The following NFIB variants were observed in gnomAD, a reference collection of about 807,000 sequenced individuals.
The protein encoded by NFIB is nuclear factor 1 B-type.
NFIB carries 11 observed loss-of-function variants against 61.5 expected under a neutral mutation model. That is an observed-to-expected ratio of 0.18 (90% CI 0.11 to 0.30). The LOEUF (loss-of-function observed/expected upper bound fraction) is 0.30, where lower values mean the gene tolerates loss of function less well. Among genes scored for constraint, NFIB ranks in the 10% least tolerant of loss-of-function variants. NFIB has a pLI of 1.00. For missense variants in NFIB, 471 were observed against 608.9 expected (o/e 0.77, Z 2.38); for synonymous variants, 260 against 216.5 (o/e 1.20, Z -1.76).
chr9:14,374,255 C>T (rs1461143813), intron 1 of NFIB, among the ~76,000 whole-genome samples: 1 of 151,926 alleles, frequency 6.6e-6, no homozygotes, highest in Non-Finnish European at 1.5e-5. Context: ...AGGCTTTTGC[C>T]TCCCCTCCTT....
the NFIB span, among the ~76,000 whole-genome samples, chr9:14,469,843 A>C: frequency 6.6e-6 from 1 of 152,360 alleles, no homozygotes; most frequent in Admixed American, 6.5e-5. Context: ...AGAACATTAG[A>C]ACCAAATCAT....
the NFIB span, among the ~76,000 whole-genome samples, chr9:14,483,366 A>C: frequency 1.5e-4 from 23 of 152,226 alleles, no homozygotes; most frequent in African/African-American, 5.5e-4. Context: ...GTGGAAAAGC[A>C]TATCTTTGCA....
At chr9:14,380,939 AG>A (rs1470653324) in intron 1 of NFIB, among the ~76,000 whole-genome samples, 2 of 151,870 alleles carry the variant, frequency 1.3e-5, no homozygotes, top group African/African-American at 4.8e-5. Flanking sequence ...TACTGAGTGG[AG>A]GCCCCTGTTC....
intron 10 of NFIB, chr9:14,094,252 G>A (rs868064483): frequency 6.6e-6 from 1 of 152,078 alleles, no homozygotes; most frequent in South Asian, 2.1e-4. Context: ...AATTATGCAA[G>A]AGACTTTGTG....
At chr9:14,226,549 G>GAAAAAAAAAAAAAAAAAAAAAAAAA (rs79951404) in intron 2 of NFIB, among the ~76,000 whole-genome samples, 1 of 89,376 alleles carries the variant, frequency 1.1e-5, no homozygotes. Flanking sequence ...CCCTATCTCA[G>GAAAAAAAAAAAAAAAAAAAAAAAAA]AAAAAAAAAA....
chr9:14,187,025 G>GTGTA (rs150393149), intron 2 of NFIB, among the ~76,000 whole-genome samples: 15 of 15,036 alleles, frequency 1.0e-3, no homozygotes, highest in African/African-American at 1.2e-3. Flanking sequence ...GTGTGTGTGT[G>GTGTA]TATGTGTGTG....
the NFIB span, among the ~76,000 whole-genome samples, chr9:14,523,188 G>A: frequency 5.9e-5 from 9 of 152,082 alleles, no homozygotes; most frequent in East Asian, 7.7e-4. Flanking sequence ...GTGACTTTTC[G>A]GGCTCTGGAG....
intron 10 of NFIB, among the ~76,000 whole-genome samples, chr9:14,111,672 G>GA (rs909431196): frequency 2.6e-5 from 4 of 151,576 alleles, no homozygotes; most frequent in African/African-American, 4.8e-5. Flanking sequence ...TTTTAGAGGT[G>GA]AAAAAAAAGC....
intron 10 of NFIB, among the ~76,000 whole-genome samples, chr9:14,110,649 G>A (rs1384180620): frequency 6.6e-6 from 1 of 152,028 alleles, no homozygotes; most frequent in Non-Finnish European, 1.5e-5. Flanking sequence ...TTCTACTGAA[G>A]GAAAGAATAA....
At chr9:14,413,736 G>A in the NFIB span, among the ~76,000 whole-genome samples, 1 of 152,130 alleles carries the variant, frequency 6.6e-6, no homozygotes, top group Non-Finnish European at 1.5e-5. Flanking sequence ...TTTTTCCAAA[G>A]GTAATTTAAT....
At position 14,256,535 on chromosome 9, in the gene NFIB, G is replaced by A. The variant is rs529349239; in HGVS notation, c.562+50454C>T. Among the ~76,000 whole-genome samples the A allele has an allele frequency of 6.6e-5, 10 of 152,254 alleles. No individual in the cohort carries two copies. In the East Asian group the frequency reaches 1.9e-3, roughly 29 times the overall value. ...ACTAATTAGAAGATAGAGAAAAAAAGGAAGAGGAGTGAAATATAATATTCA... is the reference window on the plus strand; with the variant it reads ...ACTAATTAGAAGATAGAGAAAAAAAAGAAGAGGAGTGAAATATAATATTCA... On this transcript the variant is annotated intron_variant, in intron 2 of 10. Transcript: ENST00000380953.
chr9:14,111,548 C>T (rs375631382), intron 10 of NFIB, among the ~76,000 whole-genome samples: 2 of 152,150 alleles, frequency 1.3e-5, no homozygotes, highest in Non-Finnish European at 2.9e-5. Flanking sequence ...TTTAAAAGAA[C>T]AAGTTTCTAA....
At chr9:14,476,813 C>A in the NFIB span, among the ~76,000 whole-genome samples, 2 of 152,250 alleles carry the variant, frequency 1.3e-5, no homozygotes, top group Admixed American at 1.3e-4. Flanking sequence ...AGACCAGGAC[C>A]ATTTCTCAGA....
chr9:14,508,837 G>A, the NFIB span, among the ~76,000 whole-genome samples: 12 of 152,322 alleles, frequency 7.9e-5, no homozygotes, highest in Non-Finnish European at 1.5e-4. Context: ...ACATTCTGCT[G>A]AATTAAAACA....
At chr9:14,530,612 C>T in the NFIB span, among the ~76,000 whole-genome samples, 1 of 152,090 alleles carries the variant, frequency 6.6e-6, no homozygotes, top group Non-Finnish European at 1.5e-5. Flanking sequence ...CACGAGACGC[C>T]TAGGATCAAC....
intron 9 of NFIB, among the ~76,000 whole-genome samples, 189 bp downstream of exon 9, chr9:14,116,019 G>T (rs1001041215): frequency 3.3e-5 from 5 of 152,208 alleles, no homozygotes; most frequent in Non-Finnish European, 7.3e-5. Flanking sequence ...TGAGAAGAGA[G>T]AGCCTGTGAT....
chr9:14,284,091 T>C (rs528881834), intron 2 of NFIB, among the ~76,000 whole-genome samples: 6 of 152,328 alleles, frequency 3.9e-5, no homozygotes, highest in African/African-American at 1.4e-4. Context: ...ATTCTGACTC[T>C]GCCTCTTACT....
intron 2 of NFIB, among the ~76,000 whole-genome samples, chr9:14,295,153 A>G (rs1038712797): frequency 3.3e-5 from 5 of 152,248 alleles, no homozygotes; most frequent in African/African-American, 1.2e-4. Flanking sequence ...TTAACACGAT[A>G]GAAAAGGAGG....
At chr9:14,527,765 A>G in the NFIB span, among the ~76,000 whole-genome samples, 1 of 152,172 alleles carries the variant, frequency 6.6e-6, no homozygotes, top group Non-Finnish European at 1.5e-5. Context: ...TATGGTTATT[A>G]TATGTATGGT....
Sources: allele counts gnomAD v4.1 joint callset (sites outside exome capture counted in the v4.1 genomes callset), GRCh38; gene constraint gnomAD v4.1.1; transcripts MANE v1.5; gene names NCBI Gene and HGNC (gene_info 2026-07-23, HGNC 2026-07-21).